Variants in DLGAP1 observed in about 807,000 individuals in gnomAD.
The protein encoded by DLGAP1 is disks large-associated protein 1.
A neutral mutation model predicts 90.8 loss-of-function variants in DLGAP1; 11 were observed. The observed-to-expected ratio is 0.12, with a 90% CI of 0.08 to 0.20. DLGAP1 has a LOEUF of 0.20. Among genes scored for constraint, DLGAP1 ranks in the 10% least tolerant of loss-of-function variants. The pLI is 1.00. For missense variants in DLGAP1, 1,050 were observed against 1,333.8 expected, an observed-to-expected ratio of 0.79 and a Z score of 3.31; for synonymous variants, 558 against 540.7, an observed-to-expected ratio of 1.03 and a Z score of -0.44.
chr18:3,862,196 A>G (rs562226918), intron 4 of DLGAP1, among the ~76,000 whole-genome samples: 2 of 152,312 alleles, frequency 1.3e-5, no homozygotes, highest in East Asian at 3.9e-4. Context: ...TCTTTTGGGT[A>G]ACACGTAAAC....
intron 2 of DLGAP1, among the ~76,000 whole-genome samples, chr18:4,129,525 T>C (rs2076282526): frequency 6.6e-6 from 1 of 152,188 alleles, no homozygotes; most frequent in Non-Finnish European, 1.5e-5. Context: ...TGGTTCATCA[T>C]CCTCACAGGC....
intron 7 of DLGAP1, among the ~76,000 whole-genome samples, chr18:3,682,149 A>G (rs1454243512): frequency 6.6e-6 from 1 of 151,484 alleles, no homozygotes; most frequent in Non-Finnish European, 1.5e-5. Context: ...AATAAAAATA[A>G]CGAACGAACT....
chr18:4,117,906 C>T (rs1050644080), intron 2 of DLGAP1, among the ~76,000 whole-genome samples: 5 of 152,102 alleles, frequency 3.3e-5, no homozygotes, highest in Non-Finnish European at 7.3e-5. Flanking sequence ...TGGATTATTC[C>T]GTATGTGGTT....
chr18:3,964,004 C>T (rs1159425728), intron 3 of DLGAP1, among the ~76,000 whole-genome samples: 4 of 152,116 alleles, frequency 2.6e-5, no homozygotes, highest in Admixed American at 2.6e-4. Context: ...AATGTTGCTA[C>T]TGGAAAATTT....
chr18:3,600,791 T>G lies in DLGAP1; in HGVS notation c.1592-18543A>C, dbSNP rs370261466. Among the ~76,000 whole-genome samples, 170 of 108,684 alleles carry G rather than the reference T, an allele frequency of 1.6e-3. 8 individuals are homozygous for G. The highest frequency in any genetic ancestry group is 5.3e-3 in the African/African-American group (120 of 22,550). The allele number at this position is 108,684 out of a possible 152,430, so 71.3% of individuals were successfully genotyped here. A position where few individuals can be genotyped will look rare whatever the true frequency, so the allele number is the denominator to read the frequency against. Reference sequence around the variant, plus strand: ...ATATATATAGATATATAGATATATATAGATATATAGATATATAGATATATA... The same window carrying G: ...ATATATATAGATATATAGATATATAGAGATATATAGATATATAGATATATA... On this transcript the variant is annotated intron_variant, in intron 7 of 12. Coordinates refer to ENST00000315677, the MANE Select transcript of DLGAP1 (RefSeq NM_004746.4).
chr18:3,667,628 G>A lies in DLGAP1; in HGVS notation c.1591+61507C>T, dbSNP rs368674628. Among the ~76,000 whole-genome samples, 6 of 152,268 alleles carry A rather than the reference G, an allele frequency of 3.9e-5. No homozygotes were observed. The South Asian group carries it at 8.3e-4, about 21-fold the overall frequency. On this transcript the variant is annotated intron_variant, in intron 7 of 12. Transcript: ENST00000315677. ...AACACAAAGAAATGCTCCAGGTACTGCGGTTTCTACCTGGCCTCAGTGCAA... is the reference window on the plus strand; with the variant it reads ...AACACAAAGAAATGCTCCAGGTACTACGGTTTCTACCTGGCCTCAGTGCAA...
At chr18:4,282,744 G>C (rs1321015827) in intron 1 of DLGAP1, among the ~76,000 whole-genome samples, 1 of 152,124 alleles carries the variant, frequency 6.6e-6, no homozygotes, top group Non-Finnish European at 1.5e-5. Flanking sequence ...CACATAACTG[G>C]GGGCTGGCAT....
At chr18:4,414,321 A>G (rs1452594752) in intron 1 of DLGAP1, among the ~76,000 whole-genome samples, 1 of 152,228 alleles carries the variant, frequency 6.6e-6, no homozygotes, top group Non-Finnish European at 1.5e-5. Flanking sequence ...AACAATCAAT[A>G]AAAGTTACTT....
chr18:3,778,168 C>T lies in DLGAP1; in HGVS notation c.1173-35656G>A, dbSNP rs188385521. 2.2e-4 allele frequency among the ~76,000 whole-genome samples: 34 copies of T among 152,206 alleles called. No individual in the cohort carries two copies. In the East Asian group the frequency reaches 3.3e-3, roughly 15 times the overall value. On this transcript the variant is annotated intron_variant, in intron 5 of 12. Coordinates refer to ENST00000315677, the MANE Select transcript of DLGAP1 (RefSeq NM_004746.4). ...GTAAAAAGCAGGTCAAGGCTGGGCACGATGGCTCATGCCTGTAATCCCAGC... is the reference window on the plus strand; with the variant it reads ...GTAAAAAGCAGGTCAAGGCTGGGCATGATGGCTCATGCCTGTAATCCCAGC...
chr18:3,862,542 G>A (rs1457700601), intron 4 of DLGAP1, among the ~76,000 whole-genome samples: 1 of 152,176 alleles, frequency 6.6e-6, no homozygotes, highest in African/African-American at 2.4e-5. Flanking sequence ...CAGAGGAGCC[G>A]ACAGGCACGT....
At chr18:4,292,435 A>AT (rs980167779) in intron 1 of DLGAP1, among the ~76,000 whole-genome samples, 5 of 152,080 alleles carry the variant, frequency 3.3e-5, no homozygotes, top group African/African-American at 1.2e-4. Context: ...ACCAGATTGT[A>AT]TTTTAGCAAA....
Position 4,096,523 on chromosome 18 carries a change from C to CTT in DLGAP1, c.-159+54655_-159+54656dup, listed in dbSNP as rs879827010. Among the ~76,000 whole-genome samples the CTT allele has an allele frequency of 8.3e-3, 1,207 of 145,968 alleles. 20 individuals are homozygous for CTT. Among genetic ancestry groups the CTT allele is most frequent in the African/African-American group, 0.028 (1,143 of 40,114 alleles). On this transcript the variant is annotated intron_variant, in intron 2 of 12. Coordinates refer to ENST00000315677, the MANE Select transcript of DLGAP1 (RefSeq NM_004746.4). ...TTTGCTTAAGGTACTTTTTGCCATTCTTTTTTTTTTTTCCCCTGGAATCTT... is the reference window on the plus strand; with the variant it reads ...TTTGCTTAAGGTACTTTTTGCCATTCTTTTTTTTTTTTTTCCCCTGGAATCTT...
chr18:3,763,133 C>T lies in DLGAP1; in HGVS notation c.1173-20621G>A, dbSNP rs369104182. 5.1e-4 allele frequency among the ~76,000 whole-genome samples: 77 copies of T among 152,268 alleles called. 2 individuals are homozygous for T. The South Asian group carries it at 0.016, about 31-fold the overall frequency. ...GAGTCAGTGAACTGGGAAAGGCAGA[C>T]CCACCCTTAATTTGGGTGGACACCA... is the stretch of plus-strand genomic sequence containing the variant. On this transcript the variant is annotated intron_variant, in intron 5 of 12. Coordinates refer to ENST00000315677, the MANE Select transcript of DLGAP1 (RefSeq NM_004746.4).
At chr18:3,527,031 G>T (rs1414938100) in intron 10 of DLGAP1, among the ~76,000 whole-genome samples, 1 of 151,526 alleles carries the variant, frequency 6.6e-6, no homozygotes, top group African/African-American at 2.4e-5. Context: ...TTTAAAACAA[G>T]AACTAAAGTC....
intron 9 of DLGAP1, among the ~76,000 whole-genome samples, chr18:3,550,867 G>T (rs1158283260): frequency 6.7e-6 from 1 of 148,402 alleles, no homozygotes; most frequent in Non-Finnish European, 1.5e-5. Flanking sequence ...TCAGTCTTCC[G>T]AGTAGCTAGG....
At chr18:4,231,646 A>C (rs2145056219) in intron 1 of DLGAP1, among the ~76,000 whole-genome samples, 1 of 151,696 alleles carries the variant, frequency 6.6e-6, no homozygotes, top group East Asian at 1.9e-4. Flanking sequence ...CATTCCTACC[A>C]TTTCTATTCT....
intron 1 of DLGAP1, among the ~76,000 whole-genome samples, chr18:4,257,576 T>G (rs1419625534): frequency 6.6e-6 from 1 of 152,166 alleles, no homozygotes; most frequent in Non-Finnish European, 1.5e-5. Context: ...TAAACTCTGG[T>G]TGAAGACCTA....
chr18:4,093,141 T>C (rs1196103937), intron 2 of DLGAP1, among the ~76,000 whole-genome samples: 1 of 152,202 alleles, frequency 6.6e-6, no homozygotes, highest in African/African-American at 2.4e-5. Context: ...ATATGTATTG[T>C]ATGTGTATGT....
chr18:4,071,661 A>G (rs191435846), intron 2 of DLGAP1, among the ~76,000 whole-genome samples: 4 of 152,316 alleles, frequency 2.6e-5, no homozygotes, highest in Admixed American at 1.3e-4. Flanking sequence ...TAATGACACT[A>G]TTCTGAAATC....
Sources: gnomAD v4.1 joint callset for allele counts (sites outside exome capture counted in the v4.1 genomes callset) on GRCh38, gnomAD v4.1.1 for gene constraint, MANE v1.5 for transcripts, NCBI Gene and HGNC (gene_info 2026-07-23, HGNC 2026-07-21) for gene names.